The following EVL variants were observed in gnomAD, a reference collection of about 807,000 sequenced individuals.
EVL encodes the protein ena/VASP-like protein.
EVL carries 21 observed loss-of-function variants against 59.6 expected under a neutral mutation model. The ratio of observed to expected loss-of-function variants is 0.35; its 90% CI spans 0.25 to 0.51. The LOEUF (loss-of-function observed/expected upper bound fraction) is 0.51. EVL is among the 20% of genes least tolerant of loss of function. The pLI, the probability that EVL is intolerant of heterozygous loss-of-function variation, is 0.97. For missense variants in EVL, 462 were observed against 546.6 expected (o/e 0.85, Z 1.54); for synonymous variants, 198 against 203.5 (o/e 0.97, Z 0.23).
At chr14:100,081,647 A>T (rs2062309656) in intron 1 of EVL, among the ~76,000 whole-genome samples, 1 of 152,140 alleles carries the variant, frequency 6.6e-6, no homozygotes, top group African/African-American at 2.4e-5. Flanking sequence ...GGTGTGTGTG[A>T]TACCCCAGGT....
intron 2 of EVL, among the ~76,000 whole-genome samples, chr14:100,089,646 C>T (rs1035336396): frequency 2.0e-5 from 3 of 152,318 alleles, no homozygotes; most frequent in East Asian, 1.9e-4. Flanking sequence ...ATGAGCCAGG[C>T]GCAGTGGCTC....
In EVL at chr14:100,091,780, A is replaced by G. The variant is rs1279877839; in HGVS notation, c.181-5701A>G. On this transcript the variant is annotated intron_variant, in intron 2 of 13. Coordinates refer to ENST00000392920, the MANE Select transcript of EVL (RefSeq NM_016337.3). ...CCGTGGGTCGGAAGCACAAGTCACAACCTGCACTTGCGACTGGCATCTGAA... is the reference window on the plus strand; with the variant it reads ...CCGTGGGTCGGAAGCACAAGTCACAGCCTGCACTTGCGACTGGCATCTGAA... Among the ~76,000 whole-genome samples, 7 of 152,282 alleles carry G rather than the reference A, an allele frequency of 4.6e-5. 1 individual carries two copies. Among genetic ancestry groups the G allele is most frequent in the Admixed American group, 3.9e-4 (6 of 15,300 alleles).
chr14:100,024,912 C>G (rs1443370200), intron 1 of EVL, among the ~76,000 whole-genome samples: 1 of 151,996 alleles, frequency 6.6e-6, no homozygotes, highest in Non-Finnish European at 1.5e-5. Context: ...ATTCTTGACC[C>G]CTTTCTCCTA....
At chr14:100,024,563 C>T (rs975099775) in intron 1 of EVL, among the ~76,000 whole-genome samples, 8 of 152,306 alleles carry the variant, frequency 5.3e-5, no homozygotes, top group African/African-American at 1.4e-4. Flanking sequence ...GTAACTTTAA[C>T]TCACATAAAT....
chr14:100,112,072 T>C (rs1595200208), intron 3 of EVL, among the ~76,000 whole-genome samples: 1 of 152,268 alleles, frequency 6.6e-6, no homozygotes, highest in Admixed American at 6.5e-5. Context: ...TTTTCTTTTT[T>C]CCTCGCGTAG....
intron 1 of EVL, among the ~76,000 whole-genome samples, chr14:100,081,513 C>CAAAAAAAAAAAAAAAAAAA: frequency 8.2e-6 from 1 of 122,426 alleles, no homozygotes. Context: ...TTAACAACAG[C>CAAAAAAAAAAAAAAAAAAA]AAAAAAAAAA....
chr14:100,014,078 T>C (rs571162961), intron 1 of EVL, among the ~76,000 whole-genome samples: 1 of 152,328 alleles, frequency 6.6e-6, no homozygotes, highest in South Asian at 2.1e-4. Flanking sequence ...TACAATAAAT[T>C]AGTGTTGACT....
chr14:100,109,763 C>A lies in EVL; in HGVS notation c.358+12105C>A, dbSNP rs1371680424. ...CACCTTGGCCTACTTATCACCACCCCAAACAGAGGAACACGCCTTCTCCAG... is the reference window on the plus strand; with the variant it reads ...CACCTTGGCCTACTTATCACCACCCAAAACAGAGGAACACGCCTTCTCCAG... On this transcript the variant is annotated intron_variant, in intron 3 of 13. Coordinates refer to ENST00000392920, the MANE Select transcript of EVL (RefSeq NM_016337.3). This position sits in a 1 kb window ranked among gnomAD's most constrained non-coding sequence, Gnocchi z 4.3. The A allele has an allele frequency of 7.7e-6, 4 of 520,198 alleles. No individual in the cohort carries two copies. Among genetic ancestry groups the A allele is most frequent in the Non-Finnish European group, 1.6e-5 (4 of 251,810 alleles). 32.2% of individuals were successfully genotyped at this position (520,198 alleles called of 1,614,324 possible).
At chr14:100,001,920 G>T (rs967949884) in intron 1 of EVL, among the ~76,000 whole-genome samples, 1 of 152,080 alleles carries the variant, frequency 6.6e-6, no homozygotes, top group African/African-American at 2.4e-5. Context: ...AACTTTTATT[G>T]TACTTATGCA....
chr14:100,013,389 T>A (rs761613469), intron 1 of EVL, among the ~76,000 whole-genome samples: 14 of 152,260 alleles, frequency 9.2e-5, no homozygotes, highest in Non-Finnish European at 1.8e-4. Context: ...TTGTGGTTAA[T>A]GTGTGTAATG....
At chr14:100,066,736 A>G (rs2140271931) in intron 1 of EVL, among the ~76,000 whole-genome samples, 1 of 152,370 alleles carries the variant, frequency 6.6e-6, no homozygotes, top group Non-Finnish European at 1.5e-5. Flanking sequence ...TACTAATTGC[A>G]GAAAATTATA....
intron 1 of EVL, among the ~76,000 whole-genome samples, chr14:99,983,991 A>G (rs1566962211): frequency 6.6e-6 from 1 of 152,212 alleles, no homozygotes. Flanking sequence ...CTAGAACCCC[A>G]GAACCCCAAG....
upstream of EVL, among the ~76,000 whole-genome samples, chr14:100,060,513 G>T (rs981772788): frequency 6.6e-6 from 1 of 152,010 alleles, no homozygotes; most frequent in East Asian, 1.9e-4. Context: ...GACTAAAAGT[G>T]GATCAGAGAT....
chr14:100,120,499 T>A (rs1351822972), intron 3 of EVL, among the ~76,000 whole-genome samples: 1 of 151,908 alleles, frequency 6.6e-6, no homozygotes, highest in African/African-American at 2.4e-5. Flanking sequence ...CACCGGTTGG[T>A]GAGAAGGAGC....
rs1008317602 is a variant in EVL, at chr14:100,127,651, C to T, written c.488-868C>T. 8.5e-5 allele frequency among the ~76,000 whole-genome samples: 13 copies of T among 152,184 alleles called. No individual in the cohort carries two copies. The highest frequency in any genetic ancestry group is 1.5e-5 in the Non-Finnish European group (1 of 68,038). ...TTCCCATCCTTTTCCTCCTTCCTCA[C>T]ACTTGCCTCCCCCCTTCACCTAACT... is the stretch of plus-strand genomic sequence containing the variant. On this transcript the variant is annotated intron_variant, in intron 5 of 13. Transcript: ENST00000392920. This position sits in a 1 kb window ranked among gnomAD's most constrained non-coding sequence, Gnocchi z 4.2.
chr14:100,096,506 AG>A (rs764893996), intron 2 of EVL, among the ~76,000 whole-genome samples: 1 of 152,182 alleles, frequency 6.6e-6, no homozygotes, highest in Non-Finnish European at 1.5e-5. Flanking sequence ...ACACACTGTG[AG>A]GGTGCCATGC....
intron 1 of EVL, among the ~76,000 whole-genome samples, chr14:100,033,888 G>C (rs560014725): frequency 6.6e-6 from 1 of 152,222 alleles, no homozygotes; most frequent in East Asian, 1.9e-4. Flanking sequence ...ACAAGACTTC[G>C]TGGGAAAAAC....
chr14:100,061,493 A>G (rs1196090214), upstream of EVL, among the ~76,000 whole-genome samples: 1 of 149,518 alleles, frequency 6.7e-6, no homozygotes, highest in African/African-American at 2.5e-5. Context: ...ATACCAGGAA[A>G]TTCAAGTGCT....
chr14:100,101,507 G>A (rs1886221923), intron 3 of EVL, among the ~76,000 whole-genome samples: 1 of 151,660 alleles, frequency 6.6e-6, no homozygotes, highest in African/African-American at 2.4e-5. Flanking sequence ...GCTGGGTGTG[G>A]TGACGCATGC....
Sources: gnomAD v4.1 joint callset for allele counts (sites outside exome capture counted in the v4.1 genomes callset) on GRCh38, gnomAD v4.1.1 for gene constraint, Gnocchi (gnomAD v3.1) non-coding constraint, MANE v1.5 for transcripts, NCBI Gene and HGNC (gene_info 2026-07-23, HGNC 2026-07-21) for gene names.